The following ANKS1B variants were observed in gnomAD, a reference collection of about 807,000 sequenced individuals.
ANKS1B encodes ankyrin repeat and sterile alpha motif domain-containing protein 1B.
In ANKS1B, 36 loss-of-function variants were observed where a neutral mutation model predicts 148.3. That is an observed-to-expected ratio of 0.24 (90% CI 0.19 to 0.32). The LOEUF (loss-of-function observed/expected upper bound fraction) is 0.32. ANKS1B is among the 10% of genes least tolerant of loss of function. The probability of loss-of-function intolerance (pLI) is 1.00; values close to 1 mark genes in which losing one functional copy is unlikely to be tolerated. For missense variants in ANKS1B, 1,157 were observed against 1,542.6 expected, an observed-to-expected ratio of 0.75 and a Z score of 4.19; for synonymous variants, 542 against 560.8, an observed-to-expected ratio of 0.97 and a Z score of 0.47.
At chr12:99,678,470 C>G (rs867952037) in intron 8 of ANKS1B, among the ~76,000 whole-genome samples, 2 of 152,144 alleles carry the variant, frequency 1.3e-5, no homozygotes, top group Non-Finnish European at 2.9e-5. Context: ...TCTAGGCTAA[C>G]TTCTCCTACA....
At chr12:99,133,224 T>C (rs1241599601) in intron 15 of ANKS1B, among the ~76,000 whole-genome samples, 1 of 151,964 alleles carries the variant, frequency 6.6e-6, no homozygotes, top group East Asian at 1.9e-4. Context: ...GCTATTTTTT[T>C]GTATTTTTAG....
chr12:99,161,619 A>G (rs1430682776), intron 14 of ANKS1B, among the ~76,000 whole-genome samples: 8 of 152,226 alleles, frequency 5.3e-5, no homozygotes, highest in Admixed American at 5.2e-4. Flanking sequence ...TAGGGAAATA[A>G]GCTAAATGGT....
intron 17 of ANKS1B, among the ~76,000 whole-genome samples, chr12:98,972,734 A>T (rs1248081339): frequency 6.6e-6 from 1 of 152,222 alleles, no homozygotes; most frequent in Non-Finnish European, 1.5e-5. Context: ...CTCACCAAGA[A>T]ATGTCTTCAG....
intron 12 of ANKS1B, among the ~76,000 whole-genome samples, chr12:99,327,077 TTAA>T (rs1248011034): frequency 7.6e-5 from 10 of 132,314 alleles, no homozygotes; most frequent in African/African-American, 1.7e-4. Flanking sequence ...ATATAATATA[TTAA>T]TGTTATATTA....
chr12:99,918,924 T>C (rs1212062955), intron 1 of ANKS1B, among the ~76,000 whole-genome samples: 2 of 152,324 alleles, frequency 1.3e-5, no homozygotes, highest in African/African-American at 2.4e-5. Flanking sequence ...TCACAAGTTA[T>C]GCATTTTTGA....
At chr12:99,859,326 G>A (rs114695321) in intron 1 of ANKS1B, among the ~76,000 whole-genome samples, 1 of 152,286 alleles carries the variant, frequency 6.6e-6, no homozygotes, top group African/African-American at 2.4e-5. Context: ...AAGTTTACAC[G>A]CATAATATAC....
chr12:99,780,040 C>G, intron 5 of ANKS1B, 68 bp from the exon 6 acceptor site: 1 of 1,119,790 alleles, frequency 8.9e-7, no homozygotes, highest in South Asian at 1.3e-5. Flanking sequence ...CTATCACTAT[C>G]TAACTGCTGT....
At chr12:99,777,927 G>A (rs1236738886) in intron 6 of ANKS1B, among the ~76,000 whole-genome samples, 5 of 151,606 alleles carry the variant, frequency 3.3e-5, no homozygotes, top group Admixed American at 6.6e-5. Flanking sequence ...AGCCGGGCAC[G>A]GTAGCTCACG....
At chr12:99,653,650 A>T in intron 9 of ANKS1B, among the ~76,000 whole-genome samples, 1 of 149,594 alleles carries the variant, frequency 6.7e-6, no homozygotes, top group Non-Finnish European at 1.5e-5. Context: ...GATAAAGAAG[A>T]CATTTTTTTC....
rs5800392 is a variant in ANKS1B, at chr12:99,941,464, TAA to T, written c.134+42638_134+42639del. Among the ~76,000 whole-genome samples the T allele has an allele frequency of 1.9e-3, 276 of 149,104 alleles. 9 individuals carry two copies. The East Asian group carries it at 0.046, about 25-fold the overall frequency. ...AATAAAGGCAGTGGGAATAGAAAGT[TAA>T]AAAAAAAAATAACGACAGGGATATT... On this transcript the variant is annotated intron_variant, in intron 1 of 26. Coordinates refer to ENST00000683438, the MANE Select transcript of ANKS1B (RefSeq NM_001352186.2).
At chr12:99,638,719 A>G (rs1207825416) in intron 9 of ANKS1B, among the ~76,000 whole-genome samples, 1 of 152,202 alleles carries the variant, frequency 6.6e-6, no homozygotes, top group East Asian at 1.9e-4. Flanking sequence ...GACAATGGGG[A>G]AAATGTCTTC....
chr12:99,498,468 C>T (rs544706480), intron 10 of ANKS1B, among the ~76,000 whole-genome samples: 1 of 152,274 alleles, frequency 6.6e-6, no homozygotes, highest in Admixed American at 6.5e-5. Context: ...ATCTATCTAA[C>T]TCCTCCTTCT....
chr12:99,029,408 G>A (rs890645556), intron 17 of ANKS1B, among the ~76,000 whole-genome samples: 4 of 152,278 alleles, frequency 2.6e-5, no homozygotes, highest in South Asian at 2.1e-4. Context: ...AACTTTGTTC[G>A]TACTGGAGAA....
chr12:98,814,429 A>G (rs755802812), intron 19 of ANKS1B, among the ~76,000 whole-genome samples: 8 of 152,182 alleles, frequency 5.3e-5, no homozygotes, highest in Non-Finnish European at 1.0e-4. Context: ...ATCATTTTTA[A>G]CTGGTCTACT....
chr12:99,358,242 C>G (rs1159281692), intron 12 of ANKS1B, among the ~76,000 whole-genome samples: 1 of 152,034 alleles, frequency 6.6e-6, no homozygotes, highest in Non-Finnish European at 1.5e-5. Flanking sequence ...GATTTTATTA[C>G]TAGACATTCT....
At chr12:99,432,847 C>T (rs541972768) in intron 11 of ANKS1B, among the ~76,000 whole-genome samples, 1 of 152,110 alleles carries the variant, frequency 6.6e-6, no homozygotes, top group Non-Finnish European at 1.5e-5. Flanking sequence ...GGGAAGATGA[C>T]ATGGCTAGTG....
intron 16 of ANKS1B, among the ~76,000 whole-genome samples, chr12:99,074,441 T>C (rs939141857): frequency 1.3e-5 from 2 of 152,124 alleles, no homozygotes; most frequent in Admixed American, 6.5e-5. Flanking sequence ...TGGGTAAGTA[T>C]GTTTGAATTG....
chr12:98,911,953 T>C (rs768187746), intron 17 of ANKS1B, among the ~76,000 whole-genome samples: 12 of 152,222 alleles, frequency 7.9e-5, no homozygotes, highest in Middle Eastern at 3.2e-3. Context: ...TGTGGGACTC[T>C]CTGCCCTTAG....
intron 12 of ANKS1B, among the ~76,000 whole-genome samples, chr12:99,359,740 G>C (rs1304188631): frequency 6.6e-6 from 1 of 152,090 alleles, no homozygotes; most frequent in East Asian, 1.9e-4. Flanking sequence ...AATGCTTCAA[G>C]TATCGATCAA....
Sources: allele counts gnomAD v4.1 joint callset (sites outside exome capture counted in the v4.1 genomes callset), GRCh38; gene constraint gnomAD v4.1.1; transcripts MANE v1.5; gene names NCBI Gene and HGNC (gene_info 2026-07-23, HGNC 2026-07-21).